The following C9orf72 variants were observed in gnomAD, a reference collection of about 807,000 sequenced individuals.
C9orf72 encodes the protein guanine nucleotide exchange factor C9orf72.
A neutral mutation model predicts 51.6 loss-of-function variants in C9orf72; 44 were observed. That is an observed-to-expected ratio of 0.85 (90% CI 0.67 to 1.10). The LOEUF is 1.10. Ranked by LOEUF, C9orf72 falls within the 50% of genes least tolerant of loss-of-function variation. The probability of loss-of-function intolerance (pLI) is 0.00; values close to 1 mark genes in which losing one functional copy is unlikely to be tolerated. For missense variants in C9orf72, 607 were observed against 570.6 expected, an observed-to-expected ratio of 1.06 and a Z score of -0.65; for synonymous variants, 213 against 194.2, an observed-to-expected ratio of 1.10 and a Z score of -0.81.
At chr9:27,565,729 G>A in intron 2 of C9orf72, 139 bp from the exon 3 acceptor site, 4 of 585,550 alleles carry the variant, frequency 6.8e-6, no homozygotes, top group African/African-American at 3.8e-5. Flanking sequence ...TGGGGGCAGG[G>A]GTAGGAAATT....
At chr9:27,559,178 C>A (rs1028846106) in intron 6 of C9orf72, 12 of 151,538 alleles carry the variant, frequency 7.9e-5, no homozygotes, top group Non-Finnish European at 2.9e-5. Context: ...TGGTTTTCAA[C>A]CTAGAGTGGT....
rs759218702 is a variant in C9orf72, at chr9:27,548,557, G to A, written c.1259C>T (p.Thr420Met). The A allele has an allele frequency of 1.1e-5, 17 of 1,567,414 alleles. No individual in the cohort carries two copies. Among genetic ancestry groups the A allele is most frequent in the South Asian group, 1.0e-4 (9 of 89,882 alleles). ...TCTTCCGTGTAGGAGTTTTACTCAC[G>A]TATCGTCTTCTATATATTTTATTAG... is the stretch of plus-strand genomic sequence containing the variant. ...LTLIKYIEDD[T>M]QKGKKPFKSL... Residue 420 changes from threonine (T) to methionine (M), a missense_variant and splice_region_variant, in exon 10 of 11, where the codon ACG becomes ATG. Thr to Met is a moderately conservative substitution (Grantham distance 81). Transcript: ENST00000380003.
At chr9:27,560,799 TTC>T in intron 5 of C9orf72, 1 of 964,814 alleles carries the variant, frequency 1.0e-6, no homozygotes, top group Non-Finnish European at 1.2e-6. Flanking sequence ...ATACTTTTAC[TTC>T]TCTTTTATTA....
rs533091396 is a variant in C9orf72 at position 27,565,518 on chromosome 9, A to G, written c.504+13T>C. 141 of 1,560,004 alleles carry G rather than the reference A, an allele frequency of 9.0e-5. 1 individual carries two copies. In the South Asian group the frequency reaches 1.5e-3, roughly 16 times the overall value. On this transcript the variant is annotated intron_variant, in intron 3 of 10. Coordinates refer to ENST00000380003, the MANE Select transcript of C9orf72 (RefSeq NM_018325.5). ...GTGAGAAAAACATTTGACAGTATGC[A>G]ATTTGCATATACCTGATCTTCCATT... is the stretch of plus-strand genomic sequence containing the variant.
intron 5 of C9orf72, chr9:27,561,188 A>G: frequency 8.3e-6 from 8 of 964,846 alleles, no homozygotes; most frequent in Non-Finnish European, 1.0e-5. Context: ...CTTAAGTACT[A>G]AACTCCACTG....
chr9:27,562,363 G>C lies in C9orf72; in HGVS notation c.600+18C>G, dbSNP rs1477861844. ...CAAAAAACTCATAAAGTGTATAATT[G>C]CTCTCATTTAAACTTACATCTATTT... On this transcript the variant is annotated intron_variant, in intron 4 of 10. Coordinates refer to ENST00000380003, the MANE Select transcript of C9orf72 (RefSeq NM_018325.5). 2 of 1,337,890 alleles carry C rather than the reference G, an allele frequency of 1.5e-6. No individual in the cohort carries two copies. The highest frequency in any genetic ancestry group is 2.1e-6 in the Non-Finnish European group (2 of 954,282). 82.9% of individuals were successfully genotyped at this position (1,337,890 alleles called of 1,614,324 possible). A position where few individuals can be genotyped will look rare whatever the true frequency, so the allele number is the denominator to read the frequency against.
chr9:27,571,441 T>C (rs1819584193), intron 1 of C9orf72, among the ~76,000 whole-genome samples: 2 of 152,292 alleles, frequency 1.3e-5, no homozygotes, highest in South Asian at 2.1e-4. Flanking sequence ...GTGAAAATTC[T>C]ACAATCATAA....
At chr9:27,570,073 T>A (rs372926452) in intron 1 of C9orf72, among the ~76,000 whole-genome samples, 2 of 152,238 alleles carry the variant, frequency 1.3e-5, no homozygotes, top group Admixed American at 1.3e-4. Context: ...TTAACACGTG[T>A]ATTTGTAATT....
chr9:27,551,643 C>G (rs929075778), intron 8 of C9orf72, among the ~76,000 whole-genome samples: 5 of 152,238 alleles, frequency 3.3e-5, no homozygotes, highest in Admixed American at 1.3e-4. Context: ...AGAAAGAAAC[C>G]GTAAAGGGGA....
intron 8 of C9orf72, among the ~76,000 whole-genome samples, chr9:27,555,751 T>C (rs532101698): frequency 4.1e-4 from 63 of 152,048 alleles, no homozygotes; most frequent in Non-Finnish European, 5.6e-4. Flanking sequence ...TTTGTAGAGA[T>C]GGGGTTTCAC....
At position 27,548,434 on chromosome 9, in the gene C9orf72, G is replaced by GAAA; in HGVS notation, c.1260-13_1260-12insTTT. ...TTTTTCCCTTCTGCCTAAAAATAAT[G>GAAA]GAAAAAAAAAAAAAAAAAAAAAAAA... On this transcript the variant is annotated splice_polypyrimidine_tract_variant and intron_variant, in intron 10 of 10. Coordinates refer to ENST00000380003, the MANE Select transcript of C9orf72 (RefSeq NM_018325.5). 1 of 80,726 alleles carries GAAA rather than the reference G, an allele frequency of 1.2e-5. No individual in the cohort carries two copies. The highest frequency in any genetic ancestry group is 1.9e-5 in the Non-Finnish European group (1 of 52,378). The allele number at this position is 80,726 out of a possible 1,614,324, so 5.0% of individuals were successfully genotyped here.
intron 5 of C9orf72, chr9:27,561,236 T>G: frequency 3.8e-6 from 4 of 1,056,860 alleles, no homozygotes; most frequent in Non-Finnish European, 4.6e-6. Flanking sequence ...TGAATAATTT[T>G]GTTCTACGCC....
intron 1 of C9orf72, among the ~76,000 whole-genome samples, chr9:27,572,554 TTG>T (rs1440223272): frequency 2.6e-5 from 4 of 152,076 alleles, no homozygotes; most frequent in African/African-American, 4.8e-5. Flanking sequence ...TGGCAACTGT[TTG>T]AATAGAAATT....
chr9:27,551,289 A>G (rs1249986979), intron 8 of C9orf72, among the ~76,000 whole-genome samples: 1 of 152,238 alleles, frequency 6.6e-6, no homozygotes, highest in Non-Finnish European at 1.5e-5. Context: ...GGCAACGACC[A>G]GAGTGAGTAG....
At chr9:27,569,881 A>G (rs1326839736) in intron 1 of C9orf72, among the ~76,000 whole-genome samples, 1 of 152,224 alleles carries the variant, frequency 6.6e-6, no homozygotes, top group Admixed American at 6.5e-5. Flanking sequence ...GACAAAGTAA[A>G]CAATTTTACT....
At position 27,560,259 on chromosome 9, in the gene C9orf72, C is replaced by A. The variant is rs751866003; in HGVS notation, c.706G>T (p.Val236Leu). The A allele has an allele frequency of 6.2e-7, 1 of 1,610,496 alleles. No individual in the cohort carries two copies. Among genetic ancestry groups the A allele is most frequent in the South Asian group, 1.1e-5 (1 of 90,802 alleles). Reference sequence around the variant, plus strand: ...ACTTTCTCTGCACTGCTACCTACTACAACGGAACAGCCACAGGTTTGCAAG... The same window carrying A: ...ACTTTCTCTGCACTGCTACCTACTAAAACGGAACAGCCACAGGTTTGCAAG... ...SHLQTCGCSV[V>L]VGSSAEKVNK... The change falls in exon 6 of 11, where the codon GTA (valine) becomes TTA (leucine). Residue 236 changes from valine to leucine, a missense_variant. Transcript: ENST00000380003.
chr9:27,563,272 T>G (rs1313393209), intron 3 of C9orf72, among the ~76,000 whole-genome samples: 2 of 152,158 alleles, frequency 1.3e-5, no homozygotes, highest in African/African-American at 4.8e-5. Context: ...ACTTATTACA[T>G]CTTGAAATTG....
At position 27,548,208 on chromosome 9, in the gene C9orf72, G is replaced by A. The variant is rs769778561; in HGVS notation, c.*28C>T. The A allele has an allele frequency of 3.2e-6, 5 of 1,547,372 alleles. No individual in the cohort carries two copies. On this transcript the variant is annotated 3_prime_UTR_variant, in exon 11 of 11. Coordinates refer to ENST00000380003, the MANE Select transcript of C9orf72 (RefSeq NM_018325.5). The stretch of plus-strand genomic sequence containing the variant: ...CTACTTTACCAGCGATCATGATTGT[G>A]ATGGAATAGGCTTATTAAGTTACAC...
intron 5 of C9orf72, chr9:27,561,371 C>A: frequency 7.8e-7 from 1 of 1,282,472 alleles, no homozygotes; most frequent in Non-Finnish European, 9.8e-7. Flanking sequence ...GATGGAAACT[C>A]GGTTTCTTTA....
Sources: gnomAD v4.1 joint callset for allele counts (sites outside exome capture counted in the v4.1 genomes callset) on GRCh38, gnomAD v4.1.1 for gene constraint, MANE v1.5 for transcripts, NCBI Gene and HGNC (gene_info 2026-07-23, HGNC 2026-07-21) for gene names.